NKAIN3: variants seen among roughly 807,000 people sequenced by gnomAD.
The protein encoded by NKAIN3 is sodium/potassium-transporting ATPase subunit beta-1-interacting protein 3.
A neutral mutation model predicts 30.2 loss-of-function variants in NKAIN3; 25 were observed. The observed-to-expected ratio is 0.83, with a 90% confidence interval of 0.60 to 1.16. The LOEUF is 1.16. Among genes scored for constraint, NKAIN3 ranks in the 50% most tolerant of loss-of-function variants. The pLI is 0.00. For missense variants in NKAIN3, 225 were observed against 254.1 expected (o/e 0.89, Z 0.78); for synonymous variants, 91 against 89.6 (o/e 1.02, Z -0.09).
chr8:62,259,286 C>T (rs1177188373), intron 1 of NKAIN3, among the ~76,000 whole-genome samples: 2 of 152,048 alleles, frequency 1.3e-5, no homozygotes, highest in Non-Finnish European at 2.9e-5. Flanking sequence ...TTGCACTTTT[C>T]AGTAACATTA....
chr8:62,734,187 G>A (rs1228358723), intron 3 of NKAIN3, among the ~76,000 whole-genome samples: 1 of 152,144 alleles, frequency 6.6e-6, no homozygotes, highest in Non-Finnish European at 1.5e-5. Context: ...GTAGGCTGAG[G>A]TGGGAAGATC....
chr8:62,380,494 C>G (rs762615609), intron 1 of NKAIN3, among the ~76,000 whole-genome samples: 32 of 152,160 alleles, frequency 2.1e-4, no homozygotes, highest in Non-Finnish European at 7.3e-5. Context: ...CACTTTCCAG[C>G]ACTAGTCTTA....
At chr8:62,592,335 G>A (rs568019246) in intron 3 of NKAIN3, among the ~76,000 whole-genome samples, 4 of 152,088 alleles carry the variant, frequency 2.6e-5, no homozygotes, top group Admixed American at 2.6e-4. Context: ...ATACTCTTGT[G>A]TTTTAAAAAG....
chr8:62,813,814 C>A (rs1039663325), intron 4 of NKAIN3, among the ~76,000 whole-genome samples: 1 of 151,962 alleles, frequency 6.6e-6, no homozygotes. Context: ...GTAGGACTCC[C>A]TTAAGCATTT....
At chr8:62,568,130 T>C (rs1809815108) in intron 1 of NKAIN3, among the ~76,000 whole-genome samples, 1 of 152,154 alleles carries the variant, frequency 6.6e-6, no homozygotes, top group African/African-American at 2.4e-5. Flanking sequence ...GAGGACTAAA[T>C]CATGAAACAC....
At chr8:62,345,592 CAT>C (rs1288099166) in intron 1 of NKAIN3, among the ~76,000 whole-genome samples, 3 of 124,588 alleles carry the variant, frequency 2.4e-5, no homozygotes, top group African/African-American at 9.7e-5. Flanking sequence ...TATATACACA[CAT>C]ATATACACAT....
chr8:62,953,745 T>A (rs1823346849), intron 5 of NKAIN3, among the ~76,000 whole-genome samples, 157 bp from the exon 6 acceptor site: 1 of 152,224 alleles, frequency 6.6e-6, no homozygotes, highest in Non-Finnish European at 1.5e-5. Context: ...TTTTGGCTCA[T>A]TGACAATATT....
chr8:62,365,582 T>A lies in NKAIN3; in HGVS notation c.54+116455T>A, dbSNP rs1816710130. Among the ~76,000 whole-genome samples the A allele has an allele frequency of 2.0e-5, 3 of 152,204 alleles. No homozygotes were observed. The South Asian group carries it at 6.2e-4, about 32-fold the overall frequency. ...TTCTAATTTTTATTCTTATAAACTC[T>A]TGCCATTTATGCATATCATCTTGTA... On this transcript the variant is annotated intron_variant, in intron 1 of 6. Coordinates refer to ENST00000623646, the MANE Select transcript of NKAIN3 (RefSeq NM_001304533.3).
intron 1 of NKAIN3, among the ~76,000 whole-genome samples, chr8:62,303,631 G>T (rs1814128409): frequency 6.7e-6 from 1 of 150,292 alleles, no homozygotes; most frequent in East Asian, 1.9e-4. Flanking sequence ...CTATCAAGTT[G>T]GATATGATAC....
At chr8:62,267,502 T>C (rs1235102949) in intron 1 of NKAIN3, among the ~76,000 whole-genome samples, 1 of 152,204 alleles carries the variant, frequency 6.6e-6, no homozygotes, top group African/African-American at 2.4e-5. Flanking sequence ...TTGTCTTCTC[T>C]ACACTATTAT....
intron 1 of NKAIN3, among the ~76,000 whole-genome samples, chr8:62,438,799 G>T (rs1276121570): frequency 6.6e-6 from 1 of 152,176 alleles, no homozygotes; most frequent in Non-Finnish European, 1.5e-5. Flanking sequence ...CTGATCTCAA[G>T]TGATCTGCCT....
chr8:62,646,283 T>A (rs1812458159), intron 3 of NKAIN3, among the ~76,000 whole-genome samples: 1 of 152,108 alleles, frequency 6.6e-6, no homozygotes, highest in Non-Finnish European at 1.5e-5. Context: ...AGAAAGTGAA[T>A]TTTTAGAGAT....
At chr8:62,277,064 A>T (rs1812987519) in intron 1 of NKAIN3, among the ~76,000 whole-genome samples, 1 of 152,158 alleles carries the variant, frequency 6.6e-6, no homozygotes, top group Admixed American at 6.5e-5. Flanking sequence ...TGGGTTTCAA[A>T]TTTAATAATG....
At chr8:62,865,513 G>A (rs1460638000) in intron 4 of NKAIN3, among the ~76,000 whole-genome samples, 1 of 152,082 alleles carries the variant, frequency 6.6e-6, no homozygotes, top group African/African-American at 2.4e-5. Flanking sequence ...TTCCCTTAGT[G>A]GTTTACTGAC....
chr8:62,474,801 A>G (rs1011923105), intron 1 of NKAIN3, among the ~76,000 whole-genome samples: 6 of 152,224 alleles, frequency 3.9e-5, no homozygotes, highest in Non-Finnish European at 7.3e-5. Flanking sequence ...ATGAAGTGCC[A>G]GATGGAAATC....
chr8:62,436,258 T>C (rs1805170163), intron 1 of NKAIN3, among the ~76,000 whole-genome samples: 1 of 152,318 alleles, frequency 6.6e-6, no homozygotes, highest in Non-Finnish European at 1.5e-5. Flanking sequence ...ATAAGTCTTC[T>C]TCCACTTGTA....
chr8:62,404,538 AT>A (rs889088429), intron 1 of NKAIN3, among the ~76,000 whole-genome samples: 17 of 152,226 alleles, frequency 1.1e-4, no homozygotes, highest in African/African-American at 4.1e-4. Flanking sequence ...GGGCTTATGC[AT>A]TTGCTTGGCT....
chr8:62,364,360 A>G (rs1180107278), intron 1 of NKAIN3, among the ~76,000 whole-genome samples: 1 of 147,636 alleles, frequency 6.8e-6, no homozygotes, highest in Non-Finnish European at 1.5e-5. Context: ...CCACTTCTCT[A>G]ACTTGGAAAG....
At chr8:62,508,063 T>C (rs769261306) in intron 1 of NKAIN3, among the ~76,000 whole-genome samples, 6 of 152,218 alleles carry the variant, frequency 3.9e-5, no homozygotes, top group Non-Finnish European at 8.8e-5. Flanking sequence ...TGATATGTTA[T>C]TCCTTGCAGG....
Sources: allele counts gnomAD v4.1 joint callset (sites outside exome capture counted in the v4.1 genomes callset), GRCh38; gene constraint gnomAD v4.1.1; transcripts MANE v1.5; gene names NCBI Gene and HGNC (gene_info 2026-07-23, HGNC 2026-07-21).